Variants in WWOX observed in about 807,000 individuals in gnomAD.
WWOX encodes the protein WW domain containing oxidoreductase.
Under a neutral mutation model 46.2 loss-of-function variants are expected in WWOX, and 69 were observed. The ratio of observed to expected loss-of-function variants is 1.49; its 90% CI spans 1.23 to 1.82. The LOEUF (loss-of-function observed/expected upper bound fraction) is 1.82, where lower values mean the gene tolerates loss of function less well. WWOX is among the 40% of genes most tolerant of loss of function. The pLI is 0.00. For synonymous variants in WWOX, 359 were observed against 202.6 expected (o/e 1.77, Z -6.56); for missense variants, 919 against 542.6 (o/e 1.69, Z -6.89).
chr16:79,010,128 GA>G (rs2047274130), intron 8 of WWOX, among the ~76,000 whole-genome samples: 1 of 152,170 alleles, frequency 6.6e-6, no homozygotes, highest in South Asian at 2.1e-4. Flanking sequence ...CTCATGCCTA[GA>G]CTTCTTGCTT....
At chr16:79,062,973 G>C (rs1452637516) in intron 8 of WWOX, among the ~76,000 whole-genome samples, 1 of 152,208 alleles carries the variant, frequency 6.6e-6, no homozygotes, top group Non-Finnish European at 1.5e-5. Context: ...TGGCTGATGG[G>C]CTACAGATGC....
intron 8 of WWOX, among the ~76,000 whole-genome samples, chr16:78,784,135 A>C (rs1169111475): frequency 1.3e-5 from 2 of 152,184 alleles, no homozygotes; most frequent in Non-Finnish European, 2.9e-5. Context: ...CCAAATTCTT[A>C]TAACAACCCT....
intron 5 of WWOX, among the ~76,000 whole-genome samples, chr16:78,305,305 G>A (rs569429481): frequency 6.6e-6 from 1 of 152,226 alleles, no homozygotes; most frequent in South Asian, 2.1e-4. Context: ...GGGAGGTGCT[G>A]TTAATAGCAA....
intron 5 of WWOX, among the ~76,000 whole-genome samples, chr16:78,201,591 T>C (rs2036231175): frequency 6.6e-6 from 1 of 152,174 alleles, no homozygotes; most frequent in African/African-American, 2.4e-5. Context: ...CAGGTTGTGT[T>C]TGTGGGATTA....
rs13339134 is a variant in WWOX at position 78,967,210 on chromosome 16, G to C, written c.1057-244398G>C. Reference sequence around the variant, plus strand: ...TACCTGGAAGGAAAGAGGAAAATGCGTGATTCAAATCATGTTGCAAGTGGA... The same window carrying C: ...TACCTGGAAGGAAAGAGGAAAATGCCTGATTCAAATCATGTTGCAAGTGGA... On this transcript the variant is annotated intron_variant, in intron 8 of 8. Coordinates refer to ENST00000566780, the MANE Select transcript of WWOX (RefSeq NM_016373.4). Among the ~76,000 whole-genome samples, 849 of 150,966 alleles carry C rather than the reference G, an allele frequency of 5.6e-3. 13 individuals are homozygous for C. The highest frequency in any genetic ancestry group is 0.019 in the African/African-American group (788 of 41,232).
intron 8 of WWOX, among the ~76,000 whole-genome samples, chr16:78,833,927 A>G (rs774953705): frequency 7.2e-5 from 11 of 152,254 alleles, no homozygotes. Flanking sequence ...CTTTGAGGCC[A>G]AGGACTGTGT....
chr16:78,100,333 G>A, intron 1 of WWOX: 1 of 799,182 alleles, frequency 1.3e-6, no homozygotes, highest in Non-Finnish European at 1.6e-6. Flanking sequence ...GCCCACTGTA[G>A]CCTCTACCTA....
chr16:79,131,137 C>T (rs149566583), intron 8 of WWOX, among the ~76,000 whole-genome samples: 349 of 152,260 alleles, frequency 2.3e-3, no homozygotes, highest in African/African-American at 7.5e-3. Context: ...CCCTGCCTCC[C>T]GGGCCTTCCT....
chr16:78,231,262 T>C (rs2037252354), intron 5 of WWOX, among the ~76,000 whole-genome samples: 1 of 152,250 alleles, frequency 6.6e-6, no homozygotes, highest in Admixed American at 6.5e-5. Context: ...ACTCACTGGT[T>C]GAGCAAGAGT....
chr16:78,650,537 T>TC (rs1316258435), intron 8 of WWOX, among the ~76,000 whole-genome samples: 4 of 152,326 alleles, frequency 2.6e-5, no homozygotes, highest in Admixed American at 6.5e-5. Context: ...GTCGTATGAA[T>TC]CCAGGACACC....
At chr16:78,517,283 T>C (rs1030408948) in intron 8 of WWOX, among the ~76,000 whole-genome samples, 3 of 152,170 alleles carry the variant, frequency 2.0e-5, no homozygotes, top group Non-Finnish European at 4.4e-5. Context: ...CAAATGCCTT[T>C]TCTTGCTAAA....
At chr16:79,073,422 C>A (rs1013402205) in intron 8 of WWOX, among the ~76,000 whole-genome samples, 3 of 151,996 alleles carry the variant, frequency 2.0e-5, no homozygotes, top group African/African-American at 7.2e-5. Context: ...TCAGGTGATC[C>A]ACCCAACTCG....
rs746732591 is a variant in WWOX at position 78,383,019 on chromosome 16, AG to A, written c.517-3836del. On this transcript the variant is annotated intron_variant, in intron 5 of 8. Transcript: ENST00000566780. ...TCTTAGCAGGAGCAGGAGGACGAAT[AG>A]GGGGAGGTGATATGCTCTTGTAAAC... Among the ~76,000 whole-genome samples, 381 of 151,234 alleles carry A rather than the reference AG, an allele frequency of 2.5e-3. 1 individual carries two copies. Among genetic ancestry groups the A allele is most frequent in the Non-Finnish European group, 4.6e-3 (314 of 67,898 alleles).
At chr16:79,190,439 C>T (rs1478057072) in intron 8 of WWOX, among the ~76,000 whole-genome samples, 1 of 152,108 alleles carries the variant, frequency 6.6e-6, no homozygotes, top group Non-Finnish European at 1.5e-5. Context: ...TTGGAATATT[C>T]GTAGGTCTCT....
intron 8 of WWOX, among the ~76,000 whole-genome samples, chr16:79,035,756 G>T (rs974387578): frequency 5.3e-5 from 8 of 151,310 alleles, no homozygotes; most frequent in African/African-American, 1.9e-4. Context: ...CCAGGCTGGT[G>T]TCAAACTCCT....
intron 3 of WWOX, among the ~76,000 whole-genome samples, chr16:78,110,667 C>G (rs1297396495): frequency 2.0e-5 from 3 of 152,120 alleles, no homozygotes; most frequent in Non-Finnish European, 4.4e-5. Flanking sequence ...ACCACCTGTC[C>G]AACATATAGC....
intron 8 of WWOX, among the ~76,000 whole-genome samples, chr16:79,022,920 G>C (rs2047563438): frequency 6.6e-6 from 1 of 152,166 alleles, no homozygotes; most frequent in Non-Finnish European, 1.5e-5. Context: ...AGTTTACTCA[G>C]CTGAAAAATG....
chr16:78,709,765 G>C (rs1395793787), intron 8 of WWOX, among the ~76,000 whole-genome samples: 2 of 146,270 alleles, frequency 1.4e-5, no homozygotes, highest in Non-Finnish European at 3.0e-5. Flanking sequence ...ATCTCTCTCT[G>C]TCACCCACGC....
intron 8 of WWOX, among the ~76,000 whole-genome samples, chr16:78,702,045 A>ATATATATG (rs1491253055): frequency 8.2e-6 from 1 of 121,972 alleles, no homozygotes; most frequent in African/African-American, 3.5e-5. Context: ...ATATATATAT[A>ATATATATG]AAATAATGCA....
Sources: allele counts gnomAD v4.1 joint callset (sites outside exome capture counted in the v4.1 genomes callset), GRCh38; gene constraint gnomAD v4.1.1; transcripts MANE v1.5; gene names NCBI Gene and HGNC (gene_info 2026-07-23, HGNC 2026-07-21).